Variants in CDCP1 observed in about 807,000 individuals in gnomAD.
CDCP1 encodes the protein CUB domain containing protein 1.
In CDCP1, 29 loss-of-function variants were observed where a neutral mutation model predicts 60.2. The ratio of observed to expected loss-of-function variants is 0.48; its 90% CI spans 0.36 to 0.66. CDCP1 has a LOEUF of 0.66. Among genes scored for constraint, CDCP1 ranks in the 30% least tolerant of loss-of-function variants. The pLI is 0.00. For synonymous variants in CDCP1, 387 were observed against 431.1 expected (o/e 0.90, Z 1.27); for missense variants, 876 against 1,074.3 (o/e 0.82, Z 2.58).
intron 1 of CDCP1, among the ~76,000 whole-genome samples, chr3:45,127,547 A>C (rs1207377725): frequency 1.3e-5 from 2 of 152,376 alleles, no homozygotes; most frequent in East Asian, 1.9e-4. Context: ...AATGAGACTC[A>C]TGGGAAAATC....
chr3:45,140,865 C>T (rs1041275186), intron 1 of CDCP1, among the ~76,000 whole-genome samples: 7 of 152,176 alleles, frequency 4.6e-5, no homozygotes, highest in African/African-American at 1.7e-4. Flanking sequence ...AAATTATGTG[C>T]AGAAAGTCTT....
At position 45,082,930 on chromosome 3, in the gene CDCP1, C is replaced by T. The variant is rs1698128140; in HGVS notation, c.*2708G>A. 1 of 152,236 alleles carries T rather than the reference C, an allele frequency of 6.6e-6. No individual in the cohort carries two copies. The highest frequency in any genetic ancestry group is 1.5e-5 in the Non-Finnish European group (1 of 68,044). The allele number at this position is 152,236 out of a possible 1,614,324, so 9.4% of individuals were successfully genotyped here. On this transcript the variant is annotated 3_prime_UTR_variant, in exon 9 of 9. Transcript: ENST00000296129. ...GCTGGGCCCCTTCACTGAGGCACAG[C>T]TCCAGGAAATACTGGTCTCAGGAGC...
Position 45,084,585 on chromosome 3 carries a change from A to G in CDCP1, c.*1053T>C, listed in dbSNP as rs984328820. 2 of 152,300 alleles carry G rather than the reference A, an allele frequency of 1.3e-5. No homozygotes were observed. Among genetic ancestry groups the G allele is most frequent in the Non-Finnish European group, 2.9e-5 (2 of 68,038 alleles). The allele number at this position is 152,300 out of a possible 1,614,324, so 9.4% of individuals were successfully genotyped here. A position where few individuals can be genotyped will look rare whatever the true frequency, so the allele number is the denominator to read the frequency against. Reference sequence around the variant, plus strand: ...CAGCCTCTAGAAGCTTGAAATGGCAAGGAACCGGCTTCTCCCTAGAGCCTT... The same window carrying G: ...CAGCCTCTAGAAGCTTGAAATGGCAGGGAACCGGCTTCTCCCTAGAGCCTT... On this transcript the variant is annotated 3_prime_UTR_variant, in exon 9 of 9. Transcript: ENST00000296129.
intron 4 of CDCP1, among the ~76,000 whole-genome samples, chr3:45,102,680 T>C (rs113766974): frequency 2.0e-3 from 301 of 151,730 alleles, no homozygotes; most frequent in African/African-American, 6.6e-3. Context: ...ATTATTATTG[T>C]TTTGAGACAG....
At chr3:45,086,284 G>A (rs900469425) in intron 8 of CDCP1, among the ~76,000 whole-genome samples, 3 of 152,216 alleles carry the variant, frequency 2.0e-5, no homozygotes, top group Admixed American at 2.0e-4. Context: ...TGGAAACAGA[G>A]ATCACAGGTA....
At chr3:45,118,384 G>A (rs1033573592) in intron 2 of CDCP1, 28 bp downstream of exon 2, 2 of 1,533,782 alleles carry the variant, frequency 1.3e-6, no homozygotes, top group African/African-American at 2.7e-5. Flanking sequence ...AAAAGACATT[G>A]TCAAACAGCT....
In CDCP1 at chr3:45,091,453, G is replaced by A. The variant is rs751275720; in HGVS notation, c.1713C>T (p.Leu571=). The change falls in exon 7 of 9, where the codon CTC becomes CTT. Residue 571 remains leucine, a synonymous_variant. Transcript: ENST00000296129. This position sits in a 1 kb window ranked among gnomAD's most constrained non-coding sequence, Gnocchi z 4.8. ...TPNWDRGLPS[L]TSVSWNISVP... is the part of the protein sequence containing the mutation. Reference sequence around the variant, plus strand: ...CGCTGATGTTCCAGGACACAGAGGTGAGGGATGGCAGGCCCCGGTCCCAGT... The same window carrying A: ...CGCTGATGTTCCAGGACACAGAGGTAAGGGATGGCAGGCCCCGGTCCCAGT... 1.2e-6 allele frequency: 2 copies of A among 1,612,316 alleles called. No individual in the cohort carries two copies. The highest frequency in any genetic ancestry group is 1.7e-6 in the Non-Finnish European group (2 of 1,179,152).
At chr3:45,125,329 T>C (rs767607237) in intron 1 of CDCP1, among the ~76,000 whole-genome samples, 3 of 152,166 alleles carry the variant, frequency 2.0e-5, no homozygotes, top group Non-Finnish European at 2.9e-5. Flanking sequence ...CCAGCACACC[T>C]TAGCAGCTTG....
At chr3:45,124,555 A>G (rs943713028) in intron 1 of CDCP1, among the ~76,000 whole-genome samples, 36 of 152,202 alleles carry the variant, frequency 2.4e-4, no homozygotes, top group Non-Finnish European at 4.7e-4. Context: ...GTGGCTGCTC[A>G]GTCACGGCTT....
intron 1 of CDCP1, among the ~76,000 whole-genome samples, chr3:45,127,610 A>G (rs1055144406): frequency 6.6e-6 from 1 of 152,184 alleles, no homozygotes; most frequent in African/African-American, 2.4e-5. Context: ...CTTCACAGGA[A>G]ATGCTTCTTC....
chr3:45,133,969 C>A (rs921487258), intron 1 of CDCP1, among the ~76,000 whole-genome samples: 1 of 152,128 alleles, frequency 6.6e-6, no homozygotes, highest in Non-Finnish European at 1.5e-5. Context: ...TCACTGTGGT[C>A]TGAAGGATGA....
At chr3:45,137,392 A>G (rs958664296) in intron 1 of CDCP1, among the ~76,000 whole-genome samples, 1 of 152,138 alleles carries the variant, frequency 6.6e-6, no homozygotes, top group African/African-American at 2.4e-5. Flanking sequence ...CTGGAACTTG[A>G]GTTGTATTTC....
chr3:45,104,865 C>T (rs1004899118), intron 4 of CDCP1, among the ~76,000 whole-genome samples: 1 of 152,158 alleles, frequency 6.6e-6, no homozygotes, highest in Non-Finnish European at 1.5e-5. Context: ...ACCAGTCTGA[C>T]CAACATGGAG....
chr3:45,093,748 C>A, intron 5 of CDCP1, 91 bp from the exon 6 acceptor site: 1 of 1,424,916 alleles, frequency 7.0e-7, no homozygotes, highest in Non-Finnish European at 9.5e-7. Flanking sequence ...TGGGTGTCTG[C>A]ATGCTGCCCT....
At chr3:45,105,267 G>A (rs1698543228) in intron 4 of CDCP1, among the ~76,000 whole-genome samples, 1 of 152,152 alleles carries the variant, frequency 6.6e-6, no homozygotes, top group African/African-American at 2.4e-5. Flanking sequence ...CTCAATGGGA[G>A]TAAGTCAAAG....
Position 45,093,303 on chromosome 3 carries a change from G to A in CDCP1, c.1601C>T (p.Thr534Met), listed in dbSNP as rs371285218. 4.3e-6 allele frequency: 7 copies of A among 1,614,066 alleles called. No homozygotes were observed. Among genetic ancestry groups the A allele is most frequent in the East Asian group, 2.2e-5 (1 of 44,894 alleles). Residue 534 changes from threonine to methionine, a missense_variant, in exon 6 of 9, where the codon ACG becomes ATG. By Grantham distance (81) the Thr-to-Met change is moderately conservative. Coordinates refer to ENST00000296129, the MANE Select transcript of CDCP1 (RefSeq NM_022842.5). ...FQQEASRQGL[T>M]VSFIPYFKEE... ...TTTGAAATAAGGTATAAAGGACACC[G>A]TCAGACCCTGCCTGGAGGCCTCTTG...
intron 1 of CDCP1, among the ~76,000 whole-genome samples, chr3:45,129,938 G>C (rs1411491699): frequency 6.6e-6 from 1 of 152,032 alleles, no homozygotes; most frequent in Non-Finnish European, 1.5e-5. Flanking sequence ...TGTCAGAATA[G>C]TGAACCTGGG....
At position 45,091,370 on chromosome 3, in the gene CDCP1, C is replaced by T; in HGVS notation, c.1796G>A (p.Cys599Tyr). Reference sequence around the variant, plus strand: ...GATCATGAATGCGCGCCCTGTCTGGCAGACCACGCCGCTCCGCTCCTTAAA... The same window carrying T: ...GATCATGAATGCGCGCCCTGTCTGGTAGACCACGCCGCTCCGCTCCTTAAA... ...TFFKERSGVV[C>Y]QTGRAFMIIQ... Residue 599 changes from cysteine (C) to tyrosine (Y), a missense_variant, in exon 7 of 9, where the codon TGC becomes TAC. Physicochemically the swap from Cys to Tyr is radical, Grantham distance 194. This residue lies in a region of CDCP1 where 726 missense variants were observed against 935.7 expected (regional missense o/e 0.78). Transcript: ENST00000296129. This position sits in a 1 kb window ranked among gnomAD's most constrained non-coding sequence, Gnocchi z 4.8. The T allele has an allele frequency of 6.2e-7, 1 of 1,614,196 alleles. No homozygotes were observed. Among genetic ancestry groups the T allele is most frequent in the Non-Finnish European group, 8.5e-7 (1 of 1,180,046 alleles).
At chr3:45,112,540 T>C in intron 2 of CDCP1, 95 bp from the exon 3 acceptor site, 1 of 1,515,878 alleles carries the variant, frequency 6.6e-7, no homozygotes, top group Non-Finnish European at 8.9e-7. Context: ...GTAGACTCTT[T>C]GGGGCTCCCC....
Sources: allele counts gnomAD v4.1 joint callset (sites outside exome capture counted in the v4.1 genomes callset), GRCh38; gene constraint gnomAD v4.1.1; regional missense constraint gnomAD v4.1.1; non-coding constraint Gnocchi (gnomAD v3.1); transcripts MANE v1.5; gene names NCBI Gene and HGNC (gene_info 2026-07-23, HGNC 2026-07-21).